Variants in MAPT observed in about 807,000 individuals in gnomAD.
The protein encoded by MAPT is microtubule associated protein tau.
MAPT carries 34 observed loss-of-function variants against 67.9 expected under a neutral mutation model. That is an observed-to-expected ratio of 0.50 (90% confidence interval 0.38 to 0.67). MAPT has a LOEUF of 0.67. MAPT is among the 30% of genes least tolerant of loss of function. MAPT has a pLI of 0.00. For synonymous variants in MAPT, 456 were observed against 464.5 expected (o/e 0.98, Z 0.23); for missense variants, 881 against 1,115.2 (o/e 0.79, Z 2.99).
At chr17:45,988,215 G>A (rs2145720856) in intron 6 of MAPT, among the ~76,000 whole-genome samples, 1 of 152,278 alleles carries the variant, frequency 6.6e-6, no homozygotes, top group South Asian at 2.1e-4. Context: ...TCCTTACCAA[G>A]CCTGACCACA....
At chr17:46,015,737 A>G (rs1280810684) in intron 11 of MAPT, among the ~76,000 whole-genome samples, 4 of 152,232 alleles carry the variant, frequency 2.6e-5, no homozygotes, top group African/African-American at 9.6e-5. Context: ...TTTGTAACAC[A>G]AAGGACAAAT....
At position 45,983,039 on chromosome 17, in the gene MAPT, C is replaced by A; in HGVS notation, c.460C>A (p.His154Asn). ...PVPLTASLPQ[H>N]RPVCPAPPPT... Reference sequence around the variant, plus strand: ...CCCGCTGACCGCGAGCCTTCCTCAGCACCGTCCCGTTTGCCCAGCGCCTCC... The same window carrying A: ...CCCGCTGACCGCGAGCCTTCCTCAGAACCGTCCCGTTTGCCCAGCGCCTCC... Residue 154 changes from histidine (H) to asparagine (N), a missense_variant, in exon 5 of 13, where the codon CAC becomes AAC. By Grantham distance (68) the His-to-Asn change is moderately conservative (BLOSUM62 1). Coordinates refer to ENST00000262410, the MANE Select transcript of MAPT (RefSeq NM_001377265.1). 1 of 1,510,176 alleles carries A rather than the reference C, an allele frequency of 6.6e-7. No individual in the cohort carries two copies. The highest frequency in any genetic ancestry group is 8.9e-7 in the Non-Finnish European group (1 of 1,126,120). The allele number at this position is 1,510,176 out of a possible 1,614,324, so 93.5% of individuals were successfully genotyped here.
chr17:45,965,726 C>CAA (rs60683636), intron 2 of MAPT, among the ~76,000 whole-genome samples: 1 of 147,974 alleles, frequency 6.8e-6, no homozygotes, highest in African/African-American at 2.5e-5. Context: ...AACTCCTTCT[C>CAA]AAAAAAAAAA....
chr17:46,000,556 G>A (rs567640673), intron 9 of MAPT, among the ~76,000 whole-genome samples: 2 of 152,252 alleles, frequency 1.3e-5, no homozygotes, highest in Admixed American at 6.5e-5. Flanking sequence ...AGCACCTGGC[G>A]GGAAGAGGGA....
intron 3 of MAPT, chr17:45,973,321 T>C (rs1598220702): frequency 6.6e-6 from 1 of 152,256 alleles, no homozygotes; most frequent in South Asian, 2.1e-4. Flanking sequence ...CCTGCTCATC[T>C]TGTCGGGACG....
intron 5 of MAPT, 44 bp downstream of exon 5, chr17:45,983,974 A>G (rs780026146): frequency 1.5e-6 from 2 of 1,378,542 alleles, no homozygotes; most frequent in Non-Finnish European, 9.9e-7. Flanking sequence ...GGGACCTCCC[A>G]GGCCTCCCAG....
In MAPT at chr17:45,996,774, C is replaced by A; in HGVS notation, c.1998+110C>A. 6.9e-7 allele frequency: 1 copy of A among 1,455,514 alleles called. No individual in the cohort carries two copies. The highest frequency in any genetic ancestry group is 9.3e-7 in the Non-Finnish European group (1 of 1,079,106). 90.2% of individuals were successfully genotyped at this position (1,455,514 alleles called of 1,614,324 possible). A position where few individuals can be genotyped will look rare whatever the true frequency, so the allele number is the denominator to read the frequency against. On this transcript the variant is annotated intron_variant, in intron 9 of 12. Transcript: ENST00000262410. This position sits in a 1 kb window ranked among gnomAD's most constrained non-coding sequence, Gnocchi z 4.5. ...GGAGGTGCGCGGTTGAGCGTGGAGTCGTGGGACTGTGCATGGAGGTGTGGG... is the reference window on the plus strand; with the variant it reads ...GGAGGTGCGCGGTTGAGCGTGGAGTAGTGGGACTGTGCATGGAGGTGTGGG...
chr17:45,901,334 TAC>T (rs1214456007), intron 1 of MAPT, among the ~76,000 whole-genome samples: 2 of 152,220 alleles, frequency 1.3e-5, no homozygotes, highest in Non-Finnish European at 2.9e-5. Flanking sequence ...CTTTCCAGTT[TAC>T]TCGTTGAATA....
At chr17:45,955,122 A>T (rs1007334602) in intron 1 of MAPT, among the ~76,000 whole-genome samples, 1 of 152,194 alleles carries the variant, frequency 6.6e-6, no homozygotes, top group Non-Finnish European at 1.5e-5. Context: ...AGAGGGCAGG[A>T]TTCTTTGAAG....
rs776771297 is a variant in MAPT at position 45,897,982 on chromosome 17, C to T, written c.-18+3296C>T. 19 of 152,150 alleles carry T rather than the reference C, an allele frequency of 1.2e-4. No individual in the cohort carries two copies. Among genetic ancestry groups the T allele is most frequent in the Non-Finnish European group, 1.6e-4 (11 of 68,026 alleles). The allele number at this position is 152,150 out of a possible 1,614,324, so 9.4% of individuals were successfully genotyped here. Reference sequence around the variant, plus strand: ...ATAAGCATTGTATTTACTGTATAAGCATTGTATTATAATTACTGTATAAGC... The same window carrying T: ...ATAAGCATTGTATTTACTGTATAAGTATTGTATTATAATTACTGTATAAGC... On this transcript the variant is annotated intron_variant, in intron 1 of 12. Coordinates refer to ENST00000262410, the MANE Select transcript of MAPT (RefSeq NM_001377265.1). This position sits in a 1 kb window ranked among gnomAD's most constrained non-coding sequence, Gnocchi z 5.0.
intron 10 of MAPT, 36 bp from the exon 11 acceptor site, chr17:46,014,207 C>A: frequency 1.6e-6 from 2 of 1,221,896 alleles, no homozygotes; most frequent in Non-Finnish European, 2.4e-6. Context: ...TCTCTCTCTG[C>A]CTTTCCTCTT....
intron 1 of MAPT, chr17:45,932,069 T>G (rs2066891196): frequency 6.6e-6 from 1 of 150,892 alleles, no homozygotes. Context: ...GGTGACAGAT[T>G]GAGACCCTGT....
intron 9 of MAPT, among the ~76,000 whole-genome samples, chr17:46,003,097 G>GCCGTGT (rs1369830973): frequency 1.5e-5 from 2 of 134,548 alleles, no homozygotes; most frequent in African/African-American, 2.6e-5. Context: ...TCTTTTTAAG[G>GCCGTGT]GCGTGTGTGT....
chr17:45,983,455 G>T lies in MAPT; in HGVS notation c.876G>T (p.Glu292Asp). 2 of 1,607,670 alleles carry T rather than the reference G, an allele frequency of 1.2e-6. No individual in the cohort carries two copies. Among genetic ancestry groups the T allele is most frequent in the East Asian group, 4.5e-5 (2 of 44,736 alleles). ...GGKERPGSKEEVDEDRDVDES... is the reference protein window; with the variant it reads ...GGKERPGSKEDVDEDRDVDES... Reference sequence around the variant, plus strand: ...AAGAGAGGCCGGGGAGCAAGGAGGAGGTGGATGAAGACCGCGACGTCGATG... The same window carrying T: ...AAGAGAGGCCGGGGAGCAAGGAGGATGTGGATGAAGACCGCGACGTCGATG... Residue 292 changes from glutamate to aspartate, a missense_variant, in exon 5 of 13, where the codon GAG becomes GAT. Physicochemically the swap from Glu to Asp is conservative, Grantham distance 45 (BLOSUM62 2). Transcript: ENST00000262410.
chr17:46,016,014 G>T (rs1245919789), intron 11 of MAPT, among the ~76,000 whole-genome samples: 1 of 152,140 alleles, frequency 6.6e-6, no homozygotes, highest in African/African-American at 2.4e-5. Context: ...GCCAACATGG[G>T]AGACACTTCA....
intron 11 of MAPT, 30 bp downstream of exon 11, chr17:46,014,354 G>C (rs747542707): frequency 1.1e-5 from 17 of 1,525,486 alleles, no homozygotes; most frequent in Non-Finnish European, 1.5e-5. Flanking sequence ...GGGTTGGGAC[G>C]GGAGGGTGCA....
At chr17:45,959,414 C>T (rs138035600) in intron 1 of MAPT, among the ~76,000 whole-genome samples, 29 of 152,332 alleles carry the variant, frequency 1.9e-4, no homozygotes, top group Middle Eastern at 3.4e-3. Flanking sequence ...TTCATACCCA[C>T]TTGCACTGCA....
At chr17:45,976,740 T>G (rs1246673883) in intron 3 of MAPT, 1 of 152,672 alleles carries the variant, frequency 6.5e-6, no homozygotes, top group African/African-American at 2.4e-5. Flanking sequence ...GCAGCTCCCT[T>G]TCTGGGGTCA....
intron 1 of MAPT, among the ~76,000 whole-genome samples, chr17:45,951,067 G>A (rs765746289): frequency 3.3e-5 from 5 of 152,214 alleles, no homozygotes; most frequent in South Asian, 2.1e-4. Context: ...GCACGGAGCC[G>A]TGCCAAGATC....
Sources: gnomAD v4.1 joint callset for allele counts (sites outside exome capture counted in the v4.1 genomes callset) on GRCh38, gnomAD v4.1.1 for gene constraint, Gnocchi (gnomAD v3.1) non-coding constraint, MANE v1.5 for transcripts, NCBI Gene and HGNC (gene_info 2026-07-23, HGNC 2026-07-21) for gene names.